The following RASAL2 variants were observed in gnomAD, a reference collection of about 807,000 sequenced individuals.
RASAL2 encodes ras GTPase-activating protein nGAP.
RASAL2 carries 58 observed loss-of-function variants against 128.9 expected under a neutral mutation model. The ratio of observed to expected loss-of-function variants is 0.45; its 90% CI spans 0.36 to 0.56. The LOEUF (loss-of-function observed/expected upper bound fraction) is 0.56, where lower values mean the gene tolerates loss of function less well. Among genes scored for constraint, RASAL2 ranks in the 20% least tolerant of loss-of-function variants. The pLI is 0.00. For missense variants in RASAL2, 1,360 were observed against 1,601.6 expected (o/e 0.85, Z 2.57); for synonymous variants, 561 against 580.8 (o/e 0.97, Z 0.49).
chr1:178,414,307 G>C (rs1674608189), intron 4 of RASAL2, among the ~76,000 whole-genome samples: 1 of 152,110 alleles, frequency 6.6e-6, no homozygotes, highest in Admixed American at 6.5e-5. Flanking sequence ...GAGTGTGGGA[G>C]GTACTGAGGG....
rs1257436881 is a variant in RASAL2, at chr1:178,315,613, C to T, written c.457+15495C>T. Among the ~76,000 whole-genome samples, 6 of 140,124 alleles carry T rather than the reference C, an allele frequency of 4.3e-5. No individual in the cohort carries two copies. The South Asian group carries it at 9.1e-4, about 21-fold the overall frequency. The allele number at this position is 140,124 out of a possible 152,430, so 91.9% of individuals were successfully genotyped here. A position where few individuals can be genotyped will look rare whatever the true frequency, so the allele number is the denominator to read the frequency against. On this transcript the variant is annotated intron_variant, in intron 3 of 17. Transcript: ENST00000367649. ...CTTTTGAGAAGTGTCTGTTCATGTC[C>T]TTCGCCCACTTTTTGATGGGGTTGT...
At chr1:178,448,395 T>G (rs530191126) in intron 9 of RASAL2, among the ~76,000 whole-genome samples, 126 of 152,280 alleles carry the variant, frequency 8.3e-4, no homozygotes, top group African/African-American at 2.9e-3. Flanking sequence ...GAGTCGCCAT[T>G]CAAGAAACAG....
At chr1:178,438,562 A>G (rs141885682) in intron 5 of RASAL2, among the ~76,000 whole-genome samples, 1 of 152,010 alleles carries the variant, frequency 6.6e-6, no homozygotes, top group East Asian at 1.9e-4. Context: ...GACTCCTTTA[A>G]TTCTTTCAAG....
chr1:178,294,090 G>GCA (rs1235234081), intron 2 of RASAL2, among the ~76,000 whole-genome samples: 2 of 152,236 alleles, frequency 1.3e-5, no homozygotes, highest in African/African-American at 4.8e-5. Context: ...CTAAAACTGA[G>GCA]CACACAGACA....
At chr1:178,099,447 G>C (rs1291386821) in intron 1 of RASAL2, among the ~76,000 whole-genome samples, 1 of 151,862 alleles carries the variant, frequency 6.6e-6, no homozygotes, top group Non-Finnish European at 1.5e-5. Flanking sequence ...TTCTTCTTTT[G>C]AGAGAAAATT....
rs529242665 is a variant in RASAL2 at position 178,339,530 on chromosome 1, T to A, written c.457+39412T>A. 7.2e-5 allele frequency among the ~76,000 whole-genome samples: 11 copies of A among 152,296 alleles called. No individual in the cohort carries two copies. In the East Asian group the frequency reaches 2.1e-3, roughly 29 times the overall value. On this transcript the variant is annotated intron_variant, in intron 3 of 17. Coordinates refer to ENST00000367649, the MANE Select transcript of RASAL2 (RefSeq NM_170692.4). ...CCGAAATTCATGTCTCTGTAGTGAA[T>A]CCCTCATTGGTTACGAATAGCCTCA...
intron 1 of RASAL2, among the ~76,000 whole-genome samples, chr1:178,148,998 C>T (rs1056088259): frequency 6.6e-6 from 1 of 152,158 alleles, no homozygotes; most frequent in Non-Finnish European, 1.5e-5. Flanking sequence ...CTTTCTTCCT[C>T]TCTTTTCCCC....
At chr1:178,224,677 C>G (rs1018768379) in intron 1 of RASAL2, among the ~76,000 whole-genome samples, 5 of 152,084 alleles carry the variant, frequency 3.3e-5, no homozygotes, top group Non-Finnish European at 7.4e-5. Context: ...TCTTTGTTAA[C>G]CGTAGCATCT....
At chr1:178,295,899 T>A (rs1022578099) in intron 2 of RASAL2, among the ~76,000 whole-genome samples, 16 of 152,282 alleles carry the variant, frequency 1.1e-4, no homozygotes, top group Middle Eastern at 3.4e-3. Flanking sequence ...TAAGAAGAGC[T>A]TTCTGATGCT....
intron 3 of RASAL2, among the ~76,000 whole-genome samples, chr1:178,348,989 C>T (rs1461062852): frequency 4.0e-5 from 6 of 150,876 alleles, no homozygotes; most frequent in South Asian, 2.1e-4. Flanking sequence ...TTAGTGGAGA[C>T]GGGCTTTCAA....
In RASAL2 at chr1:178,473,516, G is replaced by T; in HGVS notation, c.*277G>T. On this transcript the variant is annotated 3_prime_UTR_variant, in exon 18 of 18. Transcript: ENST00000367649. ...AATATACCAAAAGGAAGTTAATAAT[G>T]TAGATTACCTTTTTGATTATTGCTA... 2.3e-6 allele frequency: 1 copy of T among 438,010 alleles called. No individual in the cohort carries two copies. Among genetic ancestry groups the T allele is most frequent in the Non-Finnish European group, 4.0e-6 (1 of 247,720 alleles). The allele number at this position is 438,010 out of a possible 1,614,324, so 27.1% of individuals were successfully genotyped here. A position where few individuals can be genotyped will look rare whatever the true frequency, so the allele number is the denominator to read the frequency against.
chr1:178,345,698 A>G (rs1186877714), intron 3 of RASAL2, among the ~76,000 whole-genome samples: 1 of 152,194 alleles, frequency 6.6e-6, no homozygotes, highest in Non-Finnish European at 1.5e-5. Flanking sequence ...AATACCTGGA[A>G]TATGAAGTTT....
chr1:178,379,422 A>T (rs1672158972), intron 3 of RASAL2, among the ~76,000 whole-genome samples: 3 of 151,828 alleles, frequency 2.0e-5, no homozygotes, highest in Admixed American at 2.0e-4. Context: ...AGGGGAGGGA[A>T]GGAAGGGAAG....
chr1:178,255,299 A>G (rs1665280282), intron 1 of RASAL2, among the ~76,000 whole-genome samples: 1 of 152,278 alleles, frequency 6.6e-6, no homozygotes, highest in East Asian at 1.9e-4. Flanking sequence ...TGTAATTTTA[A>G]AAGATAGTAT....
chr1:178,190,845 G>T (rs1276316107), intron 1 of RASAL2, among the ~76,000 whole-genome samples: 1 of 151,934 alleles, frequency 6.6e-6, no homozygotes, highest in African/African-American at 2.4e-5. Flanking sequence ...AGTTGAATTT[G>T]TATGTGAATT....
chr1:178,117,222 G>A (rs915201584), intron 1 of RASAL2, among the ~76,000 whole-genome samples: 1 of 149,046 alleles, frequency 6.7e-6, no homozygotes, highest in African/African-American at 2.5e-5. Flanking sequence ...TAAAGTAATT[G>A]ATACTGTTGT....
intron 1 of RASAL2, among the ~76,000 whole-genome samples, chr1:178,183,842 A>C (rs576676467): frequency 1.3e-5 from 2 of 152,208 alleles, no homozygotes; most frequent in Non-Finnish European, 2.9e-5. Flanking sequence ...TGATTGCTGG[A>C]TTATGTAGTA....
chr1:178,283,706 A>G lies in RASAL2; in HGVS notation c.330+15A>G, dbSNP rs1471746664. Reference sequence around the variant, plus strand: ...AGGAGAAGGAGGTGAGATGGATATTATTCAGGAAAGTTAGTTTCCTTTTCT... The same window carrying G: ...AGGAGAAGGAGGTGAGATGGATATTGTTCAGGAAAGTTAGTTTCCTTTTCT... On this transcript the variant is annotated intron_variant, in intron 2 of 17. Transcript: ENST00000367649. The G allele has an allele frequency of 2.5e-6, 4 of 1,608,752 alleles. No individual in the cohort carries two copies. Among genetic ancestry groups the G allele is most frequent in the Non-Finnish European group, 3.4e-6 (4 of 1,178,056 alleles).
chr1:178,170,651 G>A (rs971250253), intron 1 of RASAL2, among the ~76,000 whole-genome samples: 1 of 151,194 alleles, frequency 6.6e-6, no homozygotes, highest in African/African-American at 2.4e-5. Flanking sequence ...TTCTCTGAAG[G>A]ACATTCTATT....
Sources: allele counts gnomAD v4.1 joint callset (sites outside exome capture counted in the v4.1 genomes callset), GRCh38; gene constraint gnomAD v4.1.1; transcripts MANE v1.5; gene names NCBI Gene and HGNC (gene_info 2026-07-23, HGNC 2026-07-21).